Variants in UTRN observed in about 807,000 individuals in gnomAD.
UTRN encodes the protein utrophin, also known as dystrophin-related protein 1.
UTRN carries 283 observed loss-of-function variants against 463.9 expected under a neutral mutation model. The ratio of observed to expected loss-of-function variants is 0.61; its 90% CI spans 0.55 to 0.67. The LOEUF is 0.67. Ranked by LOEUF, UTRN falls within the 30% of genes least tolerant of loss-of-function variation. The pLI, the probability that UTRN is intolerant of heterozygous loss-of-function variation, is 0.00. For synonymous variants in UTRN, 1,442 were observed against 1,431.5 expected (o/e 1.01, Z -0.17); for missense variants, 3,922 against 4,084.3 (o/e 0.96, Z 1.08).
intron 73 of UTRN, among the ~76,000 whole-genome samples, chr6:144,846,588 G>A (rs924546032): frequency 1.3e-5 from 2 of 152,054 alleles, no homozygotes; most frequent in East Asian, 3.9e-4. Context: ...AATCACATGG[G>A]ATATGAGAAA....
intron 54 of UTRN, among the ~76,000 whole-genome samples, chr6:144,747,641 G>A (rs1790907355): frequency 6.6e-6 from 1 of 152,168 alleles, no homozygotes; most frequent in Non-Finnish European, 1.5e-5. Context: ...ACAAACTTAG[G>A]ATGGTCCTTG....
chr6:144,418,868 A>C (rs1784589745), intron 3 of UTRN, among the ~76,000 whole-genome samples: 1 of 152,028 alleles, frequency 6.6e-6, no homozygotes, highest in Middle Eastern at 3.2e-3. Context: ...TTTATATTAT[A>C]CTATTTTTTG....
chr6:144,683,790 G>A (rs1032773925), intron 52 of UTRN, among the ~76,000 whole-genome samples: 3 of 152,158 alleles, frequency 2.0e-5, no homozygotes, highest in South Asian at 2.1e-4. Context: ...GACACCAAAC[G>A]GCCTGAATAC....
At chr6:144,295,672 C>A (rs1353164399) in intron 2 of UTRN, among the ~76,000 whole-genome samples, 1 of 152,184 alleles carries the variant, frequency 6.6e-6, no homozygotes, top group African/African-American at 2.4e-5. Context: ...ATGTGCTCAC[C>A]CAGTCTCTGT....
chr6:144,826,645 C>A (rs1286330181), intron 66 of UTRN, among the ~76,000 whole-genome samples: 1 of 152,078 alleles, frequency 6.6e-6, no homozygotes, highest in Admixed American at 6.6e-5. Flanking sequence ...GCCCCTGAGT[C>A]AAGCAGAACA....
At chr6:144,781,880 TA>T in intron 60 of UTRN, 41 bp from the exon 61 acceptor site, 1 of 1,459,518 alleles carries the variant, frequency 6.9e-7, no homozygotes, top group Non-Finnish European at 9.6e-7. Context: ...TAATGTAATG[TA>T]ATGTAATGAC....
chr6:144,478,919 A>C (rs546065192), intron 25 of UTRN, among the ~76,000 whole-genome samples: 4 of 152,180 alleles, frequency 2.6e-5, no homozygotes, highest in Non-Finnish European at 4.4e-5. Context: ...TCAGACAACT[A>C]TCTATTTTTT....
intron 54 of UTRN, among the ~76,000 whole-genome samples, chr6:144,745,551 C>G (rs987365118): frequency 1.3e-5 from 2 of 152,108 alleles, no homozygotes; most frequent in Non-Finnish European, 2.9e-5. Flanking sequence ...GAACACAGAG[C>G]TTTTCTTTTC....
chr6:144,554,127 C>T (rs1049996966), intron 48 of UTRN, among the ~76,000 whole-genome samples: 2 of 152,120 alleles, frequency 1.3e-5, no homozygotes, highest in Non-Finnish European at 2.9e-5. Context: ...GTTCATGAGT[C>T]TCTTTTACTT....
intron 10 of UTRN, among the ~76,000 whole-genome samples, chr6:144,437,014 A>G (rs1584781529): frequency 6.7e-6 from 1 of 149,856 alleles, no homozygotes; most frequent in Non-Finnish European, 1.5e-5. Flanking sequence ...GTGCAGTGGC[A>G]CAATCTTGGC....
chr6:144,635,720 A>G (rs1252894860), intron 51 of UTRN, among the ~76,000 whole-genome samples: 1 of 150,676 alleles, frequency 6.6e-6, no homozygotes, highest in Non-Finnish European at 1.5e-5. Flanking sequence ...CTGTATTTTT[A>G]GTAGAGATGA....
Position 144,403,198 on chromosome 6 carries a change from T to C in UTRN, c.141+14T>C, listed in dbSNP as rs1428626713. On this transcript the variant is annotated intron_variant, in intron 3 of 74. Transcript: ENST00000367545. ...CGATTTTCAAAGGTAACTGAGACTTTCAAAAACTTCGATGGTTCAGATGCC... is the reference window on the plus strand; with the variant it reads ...CGATTTTCAAAGGTAACTGAGACTTCCAAAAACTTCGATGGTTCAGATGCC... The C allele has an allele frequency of 1.2e-6, 2 of 1,610,700 alleles. 1 individual carries two copies. The highest frequency in any genetic ancestry group is 3.3e-5 in the Admixed American group (2 of 59,892).
At chr6:144,295,272 T>C (rs1804578039) in intron 2 of UTRN, among the ~76,000 whole-genome samples, 1 of 152,246 alleles carries the variant, frequency 6.6e-6, no homozygotes, top group South Asian at 2.1e-4. Context: ...CTCACTGCTA[T>C]TTCATTCAAT....
chr6:144,720,132 A>G (rs1267116879), intron 53 of UTRN, among the ~76,000 whole-genome samples: 1 of 152,196 alleles, frequency 6.6e-6, no homozygotes, highest in East Asian at 1.9e-4. Context: ...GCAGGATCCC[A>G]TCTCGGTCAG....
At chr6:144,638,682 G>A (rs980498899) in intron 51 of UTRN, among the ~76,000 whole-genome samples, 2 of 152,136 alleles carry the variant, frequency 1.3e-5, no homozygotes, top group African/African-American at 4.8e-5. Flanking sequence ...TTACTAAATA[G>A]TGCTCTGAGT....
At chr6:144,687,554 G>C (rs1782895236) in intron 52 of UTRN, among the ~76,000 whole-genome samples, 1 of 152,244 alleles carries the variant, frequency 6.6e-6, no homozygotes, top group Admixed American at 6.5e-5. Flanking sequence ...ATTTGGCTGT[G>C]TGAAAAATAC....
chr6:144,439,507 T>C (rs898201701), intron 12 of UTRN, among the ~76,000 whole-genome samples: 1 of 152,164 alleles, frequency 6.6e-6, no homozygotes, highest in African/African-American at 2.4e-5. Flanking sequence ...TCTTTCTTTT[T>C]TTTGAGATGG....
intron 28 of UTRN, among the ~76,000 whole-genome samples, chr6:144,487,117 T>C (rs1792535611): frequency 6.6e-6 from 1 of 152,108 alleles, no homozygotes. Context: ...TTGAACTTTG[T>C]GTCATGAGCA....
intron 2 of UTRN, among the ~76,000 whole-genome samples, chr6:144,344,766 C>T (rs1367562887): frequency 6.6e-6 from 1 of 152,106 alleles, no homozygotes; most frequent in African/African-American, 2.4e-5. Flanking sequence ...TAGTTTTGAC[C>T]TGAGAAAGGG....
Sources: gnomAD v4.1 joint callset for allele counts (sites outside exome capture counted in the v4.1 genomes callset) on GRCh38, gnomAD v4.1.1 for gene constraint, MANE v1.5 for transcripts, NCBI Gene and HGNC (gene_info 2026-07-23, HGNC 2026-07-21) for gene names.